ST3GAL3: variants seen among roughly 807,000 people sequenced by gnomAD.
ST3GAL3 encodes the protein ST3 beta-galactoside alpha-2,3-sialyltransferase 3.
ST3GAL3 carries 21 observed loss-of-function variants against 50.1 expected under a neutral mutation model. The ratio of observed to expected loss-of-function variants is 0.42; its 90% confidence interval spans 0.30 to 0.60. The LOEUF (loss-of-function observed/expected upper bound fraction) is 0.60. ST3GAL3 is among the 20% of genes least tolerant of loss of function. The probability of loss-of-function intolerance (pLI) is 0.19; values close to 1 mark genes in which losing one functional copy is unlikely to be tolerated. For missense variants in ST3GAL3, 353 were observed against 489.4 expected, an observed-to-expected ratio of 0.72 and a Z score of 2.63; for synonymous variants, 183 against 190.0, an observed-to-expected ratio of 0.96 and a Z score of 0.30.
intron 2 of ST3GAL3, among the ~76,000 whole-genome samples, chr1:43,770,257 GAGGAGAGGGGAGGGGAGGA>G (rs1228247852): frequency 6.1e-5 from 8 of 130,670 alleles, no homozygotes; most frequent in Non-Finnish European, 9.7e-5. Flanking sequence ...GAGGGGAGGA[GAGGAGAGGGGAGGGGAGGA>G]GAGGGGAATG....
At chr1:43,894,551 A>G (rs2077103760) in intron 6 of ST3GAL3, 74 bp downstream of exon 6, 1 of 1,367,640 alleles carries the variant, frequency 7.3e-7, no homozygotes, top group African/African-American at 1.4e-5. Context: ...ACAAGGCTAC[A>G]TCCTCAGAAG....
At chr1:43,760,928 T>A (rs942572886) in intron 2 of ST3GAL3, among the ~76,000 whole-genome samples, 2 of 152,200 alleles carry the variant, frequency 1.3e-5, no homozygotes, top group Non-Finnish European at 2.9e-5. Context: ...ACAATATGGA[T>A]GAGCCTTGAA....
chr1:43,755,443 G>T (rs902777267), intron 2 of ST3GAL3, among the ~76,000 whole-genome samples: 1 of 152,144 alleles, frequency 6.6e-6, no homozygotes, highest in Non-Finnish European at 1.5e-5. Flanking sequence ...GAGCACGCTA[G>T]CAATAATTAA....
intron 1 of ST3GAL3, among the ~76,000 whole-genome samples, chr1:43,722,556 C>T (rs910102782): frequency 1.3e-5 from 2 of 152,252 alleles, no homozygotes; most frequent in African/African-American, 4.8e-5. Context: ...AGGAGGCTTA[C>T]TAGGCTATTG....
chr1:43,814,964 G>A, intron 4 of ST3GAL3, 31 bp downstream of exon 4: 1 of 1,611,220 alleles, frequency 6.2e-7, no homozygotes, highest in Non-Finnish European at 8.5e-7. Context: ...CCTTGGCTCT[G>A]TGGCAGAGAG....
At chr1:43,828,105 AAT>A (rs1333044850) in intron 4 of ST3GAL3, among the ~76,000 whole-genome samples, 2 of 152,204 alleles carry the variant, frequency 1.3e-5, no homozygotes, top group African/African-American at 4.8e-5. Context: ...GACCCACACA[AAT>A]ATAGTCTGTT....
chr1:43,721,822 A>G (rs879388159), intron 1 of ST3GAL3, among the ~76,000 whole-genome samples: 37 of 151,742 alleles, frequency 2.4e-4, no homozygotes, highest in Admixed American at 6.6e-4. Context: ...GCTGGTCTTG[A>G]ACTCCTGACC....
intron 1 of ST3GAL3, among the ~76,000 whole-genome samples, chr1:43,728,027 C>CT (rs1673792718): frequency 6.6e-6 from 1 of 152,060 alleles, no homozygotes; most frequent in Non-Finnish European, 1.5e-5. Flanking sequence ...CTTCACCCCT[C>CT]ATCCCCATCT....
intron 5 of ST3GAL3, among the ~76,000 whole-genome samples, chr1:43,890,433 G>A (rs1204344095): frequency 6.6e-6 from 1 of 152,070 alleles, no homozygotes; most frequent in African/African-American, 2.4e-5. Context: ...ATACACCGGA[G>A]GAAAAAATGA....
intron 1 of ST3GAL3, among the ~76,000 whole-genome samples, chr1:43,721,253 A>G (rs1374958097): frequency 6.7e-6 from 1 of 148,920 alleles, no homozygotes; most frequent in African/African-American, 2.5e-5. Context: ...TCTTAAAAAG[A>G]AAAAAAAAAG....
rs561688613 is a variant in ST3GAL3 at position 43,767,762 on chromosome 1, G to A, written c.119-24340G>A. Among the ~76,000 whole-genome samples, 34 of 151,452 alleles carry A rather than the reference G, an allele frequency of 2.2e-4. No individual in the cohort carries two copies. In the South Asian group the frequency reaches 6.9e-3, roughly 31 times the overall value. On this transcript the variant is annotated intron_variant, in intron 2 of 11. Coordinates refer to ENST00000347631, the MANE Select transcript of ST3GAL3 (RefSeq NM_006279.5). The stretch of plus-strand genomic sequence containing the variant: ...TGGGTGCAGCAAACCGCCATGGCAC[G>A]TGTTTACCCATGTAACAAACCTGCA...
chr1:43,767,824 T>TAA (rs71579310), intron 2 of ST3GAL3, among the ~76,000 whole-genome samples: 1,621 of 144,230 alleles, frequency 0.011, 33 homozygotes, highest in African/African-American at 0.033. Context: ...AAAGTATAAT[T>TAA]AAAAAAAAAA....
At chr1:43,881,023 T>C (rs1458595201) in intron 5 of ST3GAL3, among the ~76,000 whole-genome samples, 1 of 151,956 alleles carries the variant, frequency 6.6e-6, no homozygotes, top group African/African-American at 2.4e-5. Flanking sequence ...TTTTTTTTTT[T>C]CCTTTGAGAC....
intron 2 of ST3GAL3, 148 bp downstream of exon 2, chr1:43,736,528 C>A: frequency 7.2e-7 from 1 of 1,394,780 alleles, no homozygotes; most frequent in Non-Finnish European, 1.0e-6. Flanking sequence ...AATTGCCTGC[C>A]ATTTTAGCTG....
At chr1:43,821,277 A>G (rs1209353933) in intron 4 of ST3GAL3, among the ~76,000 whole-genome samples, 1 of 152,156 alleles carries the variant, frequency 6.6e-6, no homozygotes, top group Non-Finnish European at 1.5e-5. Context: ...TATAATAAGC[A>G]TGACATATTG....
chr1:43,881,316 G>A (rs1228260052), intron 5 of ST3GAL3, among the ~76,000 whole-genome samples: 1 of 152,208 alleles, frequency 6.6e-6, no homozygotes, highest in African/African-American at 2.4e-5. Flanking sequence ...CAGCCTCTGA[G>A]CTTTTTATAT....
intron 2 of ST3GAL3, among the ~76,000 whole-genome samples, chr1:43,746,518 A>G (rs1683729664): frequency 6.7e-6 from 1 of 149,532 alleles, no homozygotes; most frequent in East Asian, 2.0e-4. Context: ...GCTGGAGTGC[A>G]ATGGTGCAAT....
At chr1:43,850,255 C>G (rs1254786076) in intron 5 of ST3GAL3, 1 of 444,266 alleles carries the variant, frequency 2.3e-6, no homozygotes, top group African/African-American at 2.0e-5. Context: ...CAGCAGGTAG[C>G]TTCCTCTGTG....
rs142183760 is a variant in ST3GAL3, at chr1:43,930,313, C to T, written c.*92C>T. ...AGGAGTCTTCAGACCCAGAGAAGGA[C>T]GGTGCCAAGGGCCCCAGGGGCAGCA... On this transcript the variant is annotated 3_prime_UTR_variant, in exon 12 of 12. Coordinates refer to ENST00000347631, the MANE Select transcript of ST3GAL3 (RefSeq NM_006279.5). 224 of 1,298,642 alleles carry T rather than the reference C, an allele frequency of 1.7e-4. 2 individuals are homozygous for T. The African/African-American group carries it at 1.9e-3, about 11-fold the overall frequency. The allele number at this position is 1,298,642 out of a possible 1,614,324, so 80.4% of individuals were successfully genotyped here. A position where few individuals can be genotyped will look rare whatever the true frequency, so the allele number is the denominator to read the frequency against.
Sources: allele counts gnomAD v4.1 joint callset (sites outside exome capture counted in the v4.1 genomes callset), GRCh38; gene constraint gnomAD v4.1.1; transcripts MANE v1.5; gene names NCBI Gene and HGNC (gene_info 2026-07-23, HGNC 2026-07-21).